Variants in TDRD1 observed in about 807,000 individuals in gnomAD.
TDRD1 encodes the protein tudor domain-containing protein 1.
TDRD1 carries 37 observed loss-of-function variants against 140.6 expected under a neutral mutation model. That is an observed-to-expected ratio of 0.26 (90% CI 0.20 to 0.35). The LOEUF is 0.35. TDRD1 is among the 10% of genes least tolerant of loss of function. TDRD1 has a pLI of 1.00. For missense variants in TDRD1, 1,243 were observed against 1,393.0 expected (o/e 0.89, Z 1.71); for synonymous variants, 506 against 475.7 (o/e 1.06, Z -0.83).
At chr10:114,194,910 C>T (rs1184862423) in intron 3 of TDRD1, among the ~76,000 whole-genome samples, 2 of 149,754 alleles carry the variant, frequency 1.3e-5, no homozygotes, top group African/African-American at 2.4e-5. Flanking sequence ...CAGGTGTATG[C>T]CACCACACCT....
In TDRD1 at chr10:114,224,849, G is replaced by A. The variant is rs572398226; in HGVS notation, c.3008-1200G>A. 8.5e-5 allele frequency among the ~76,000 whole-genome samples: 13 copies of A among 152,286 alleles called. No homozygotes were observed. The South Asian group carries it at 1.9e-3, about 22-fold the overall frequency. The stretch of plus-strand genomic sequence containing the variant: ...CCTGTTTTGTTTTGGTCTCCTCTGT[G>A]ATGTTAGAGGCTTTCTGCAAATCTC... On this transcript the variant is annotated intron_variant, in intron 21 of 25. Transcript: ENST00000251864.
At chr10:114,230,106 C>CA (rs1335743085) in intron 25 of TDRD1, among the ~76,000 whole-genome samples, 1 of 152,244 alleles carries the variant, frequency 6.6e-6, no homozygotes, top group Non-Finnish European at 1.5e-5. Flanking sequence ...GCTGGGATTA[C>CA]AGGCGTGAGC....
At chr10:114,195,559 C>T (rs1051498416) in intron 3 of TDRD1, among the ~76,000 whole-genome samples, 3 of 152,178 alleles carry the variant, frequency 2.0e-5, no homozygotes, top group African/African-American at 7.2e-5. Context: ...TAATGTCCCT[C>T]TCTCTGGTAA....
exon 2 of TDRD1, chr10:114,188,150 C>T: frequency 6.4e-7 from 1 of 1,570,592 alleles, no homozygotes; most frequent in Non-Finnish European, 8.6e-7. Flanking sequence ...GAAAAAATTG[C>T]CAGCAGGTGA....
intron 11 of TDRD1, among the ~76,000 whole-genome samples, chr10:114,209,814 G>A (rs1397159751): frequency 6.6e-6 from 1 of 152,084 alleles, no homozygotes; most frequent in Non-Finnish European, 1.5e-5. Context: ...TTATATTTCT[G>A]TGTTTAAAAC....
intron 3 of TDRD1, among the ~76,000 whole-genome samples, chr10:114,198,027 G>A (rs952050969): frequency 7.9e-5 from 12 of 152,100 alleles, no homozygotes; most frequent in African/African-American, 2.9e-4. Context: ...GTTTGTTACC[G>A]CCAGGTCGGG....
At chr10:114,189,503 G>A (rs11196652) in intron 2 of TDRD1, among the ~76,000 whole-genome samples, 39,132 of 152,108 alleles carry the variant, frequency 0.26, 5,339 homozygotes, top group African/African-American at 0.33. Flanking sequence ...GCAATTTCGG[G>A]TTTTAGGAAA....
intron 11 of TDRD1, among the ~76,000 whole-genome samples, chr10:114,209,100 G>T (rs2035316399): frequency 6.6e-6 from 1 of 152,062 alleles, no homozygotes; most frequent in South Asian, 2.1e-4. Context: ...TTAAAAGCTG[G>T]CACAGCTACT....
exon 2 of TDRD1, chr10:114,188,154 C>T (rs1420862560): frequency 8.9e-6 from 14 of 1,569,074 alleles, no homozygotes; most frequent in African/African-American, 1.4e-5. Context: ...AAATTGCCAG[C>T]AGGTGAGTGA....
At chr10:114,226,068 T>A (rs769303721) in exon 22 of TDRD1, 1 of 1,613,988 alleles carries the variant, frequency 6.2e-7, no homozygotes, top group Admixed American at 1.7e-5. Flanking sequence ...TTTGGTATCG[T>A]GCAGTTGTTC....
intron 12 of TDRD1, 31 bp downstream of exon 12, chr10:114,210,779 A>C: frequency 6.2e-7 from 1 of 1,610,518 alleles, no homozygotes; most frequent in Non-Finnish European, 8.5e-7. Context: ...TGCTCTATGA[A>C]GCTAAAATAC....
intron 8 of TDRD1, 73 bp downstream of exon 8, chr10:114,203,640 T>G: frequency 1.5e-6 from 2 of 1,326,372 alleles, no homozygotes; most frequent in Non-Finnish European, 2.1e-6. Context: ...CACCAGAGCT[T>G]TTAATGATGC....
intron 3 of TDRD1, among the ~76,000 whole-genome samples, chr10:114,195,922 T>G (rs907575299): frequency 3.3e-5 from 5 of 152,186 alleles, no homozygotes; most frequent in South Asian, 2.1e-4. Flanking sequence ...TTCCAGTGGT[T>G]GTTCTACATA....
chr10:114,199,932 G>A (rs967311801), intron 4 of TDRD1, among the ~76,000 whole-genome samples: 9 of 152,142 alleles, frequency 5.9e-5, no homozygotes, highest in South Asian at 4.1e-4. Flanking sequence ...ACAAGTGTTC[G>A]TGTGGACATA....
chr10:114,227,039 G>T, intron 22 of TDRD1, 33 bp from the exon 23 acceptor site: 2 of 1,105,032 alleles, frequency 1.8e-6, no homozygotes, highest in South Asian at 1.5e-5. Context: ...TTTTTAAAAG[G>T]GACTAAAAGA....
chr10:114,204,977 A>G (rs74613308), intron 10 of TDRD1, 84 bp downstream of exon 10: 92,383 of 1,287,540 alleles, frequency 0.072, 3,447 homozygotes, highest in Non-Finnish European at 0.076. Context: ...ACATCAAGTG[A>G]GGCCAGGTAA....
At chr10:114,227,194 G>A (rs1437402609) in exon 23 of TDRD1, 1 of 1,613,856 alleles carries the variant, frequency 6.2e-7, no homozygotes, top group Non-Finnish European at 8.5e-7. Context: ...TACAGTGTCA[G>A]TTGAGAAATG....
chr10:114,191,926 A>C (rs2033991864), intron 3 of TDRD1, among the ~76,000 whole-genome samples: 1 of 152,186 alleles, frequency 6.6e-6, no homozygotes, highest in Non-Finnish European at 1.5e-5. Context: ...ACAGATGTGT[A>C]GTACTATCTC....
At chr10:114,227,332 T>C in intron 23 of TDRD1, 33 bp downstream of exon 23, 1 of 1,429,566 alleles carries the variant, frequency 7.0e-7, no homozygotes, top group Non-Finnish European at 9.9e-7. Flanking sequence ...ATAACAGATG[T>C]TAAGTGTGAG....
Sources: gnomAD v4.1 joint callset for allele counts (sites outside exome capture counted in the v4.1 genomes callset) on GRCh38, gnomAD v4.1.1 for gene constraint, MANE v1.5 for transcripts, NCBI Gene and HGNC (gene_info 2026-07-23, HGNC 2026-07-21) for gene names.